Variants in MIB1 observed in about 807,000 individuals in gnomAD.
MIB1 encodes the protein E3 ubiquitin-protein ligase MIB1.
Under a neutral mutation model 124.5 loss-of-function variants are expected in MIB1, and 278 were observed. That is an observed-to-expected ratio of 2.23 (90% CI 2.02 to 2.47). MIB1 has a LOEUF of 2.47. MIB1 is among the 30% of genes most tolerant of loss of function. The pLI is 0.00. For missense variants in MIB1, 957 were observed against 1,254.4 expected, an observed-to-expected ratio of 0.76 and a Z score of 3.58; for synonymous variants, 446 against 429.4, an observed-to-expected ratio of 1.04 and a Z score of -0.48.
chr18:21,790,907 A>G (rs1046360310), intron 6 of MIB1, among the ~76,000 whole-genome samples: 10 of 152,216 alleles, frequency 6.6e-5, no homozygotes, highest in African/African-American at 2.4e-4. Context: ...TGTATATTAA[A>G]ATTATAAAAA....
intron 1 of MIB1, among the ~76,000 whole-genome samples, chr18:21,753,908 C>A (rs1023821478): frequency 2.0e-4 from 30 of 152,170 alleles, no homozygotes; most frequent in African/African-American, 7.0e-4. Context: ...GAACTCCTGA[C>A]CTCAGGTGAT....
rs190460860 is a variant in MIB1, at chr18:21,860,258, C to T, written c.2880+1612C>T. ...TGGGACTACAGGTGCACACCACCAC[C>T]CTCAGCGAATTTTTATATTTTTAGT... On this transcript the variant is annotated intron_variant, in intron 20 of 20. Coordinates refer to ENST00000261537, the MANE Select transcript of MIB1 (RefSeq NM_020774.4). Among the ~76,000 whole-genome samples, 450 of 151,276 alleles carry T rather than the reference C, an allele frequency of 3.0e-3. 2 individuals carry two copies. The highest frequency in any genetic ancestry group is 0.01 in the African/African-American group (426 of 41,168).
At chr18:21,860,996 G>A (rs974337346) in intron 20 of MIB1, among the ~76,000 whole-genome samples, 12 of 152,108 alleles carry the variant, frequency 7.9e-5, no homozygotes, top group Admixed American at 5.9e-4. Context: ...CTATGACAGC[G>A]CCACTACACT....
intron 15 of MIB1, among the ~76,000 whole-genome samples, chr18:21,845,486 A>C (rs1463268028): frequency 6.6e-6 from 1 of 152,062 alleles, no homozygotes; most frequent in Non-Finnish European, 1.5e-5. Flanking sequence ...GAAGTTTATA[A>C]AGTTTTAGCT....
intron 13 of MIB1, among the ~76,000 whole-genome samples, chr18:21,842,204 A>T (rs576456680): frequency 6.6e-6 from 1 of 152,006 alleles, no homozygotes; most frequent in Non-Finnish European, 1.5e-5. Context: ...CATCTTGAAG[A>T]ATATGACATA....
chr18:21,773,652 C>A lies in MIB1; in HGVS notation c.560C>A (p.Ser187Ter). 6.2e-7 allele frequency: 1 copy of A among 1,609,728 alleles called. No individual in the cohort carries two copies. Among genetic ancestry groups the A allele is most frequent in the Non-Finnish European group, 8.5e-7 (1 of 1,178,398 alleles). Residue 187 changes from serine (S) to a stop codon, truncating the protein, a stop_gained, in exon 4 of 21, where the codon TCA (serine) becomes TAA (stop). Transcript: ENST00000261537. LOFTEE classifies it high-confidence loss of function. Reference sequence around the variant, plus strand: ...ACAGAAATCCAGGACTGGAGTGCATCAAGCCCACATAGCGCAGCATATGTC... The same window carrying A: ...ACAGAAATCCAGGACTGGAGTGCATAAAGCCCACATAGCGCAGCATATGTC... ...KVTEIQDWSA[S>*]SPHSAAYVLW...
intron 1 of MIB1, among the ~76,000 whole-genome samples, chr18:21,742,014 C>G (rs946834783): frequency 1.3e-5 from 2 of 152,168 alleles, no homozygotes; most frequent in African/African-American, 4.8e-5. Context: ...CCCTCTACCC[C>G]CAAGGGAAAT....
intron 13 of MIB1, among the ~76,000 whole-genome samples, chr18:21,841,994 G>C (rs1215225156): frequency 6.8e-6 from 1 of 146,868 alleles, no homozygotes; most frequent in Non-Finnish European, 1.5e-5. Flanking sequence ...CACTCGGAAG[G>C]CTAAGGCAGG....
At chr18:21,781,032 C>A (rs1171860390) in intron 6 of MIB1, among the ~76,000 whole-genome samples, 1 of 152,074 alleles carries the variant, frequency 6.6e-6, no homozygotes, top group Non-Finnish European at 1.5e-5. Flanking sequence ...GTGTTCTTGT[C>A]AGCATCCGAA....
intron 13 of MIB1, among the ~76,000 whole-genome samples, chr18:21,842,188 A>G (rs2042097329): frequency 6.6e-6 from 1 of 151,780 alleles, no homozygotes; most frequent in Admixed American, 6.6e-5. Context: ...ACAAATGAGA[A>G]ATTCCCATCT....
At position 21,847,126 on chromosome 18, in the gene MIB1, G is replaced by A. The variant is rs1466584966; in HGVS notation, c.2393+1G>A. 5 of 1,612,822 alleles carry A rather than the reference G, an allele frequency of 3.1e-6. No homozygotes were observed. Among genetic ancestry groups the A allele is most frequent in the Non-Finnish European group, 4.2e-6 (5 of 1,179,038 alleles). ...CAAAGTGTCATAAGGAAAAAGTCAG[G>A]TTTGTATTATTTATTATCATAAAAC... On this transcript the variant is annotated splice_donor_variant, in intron 16 of 20. Coordinates refer to ENST00000261537, the MANE Select transcript of MIB1 (RefSeq NM_020774.4). LOFTEE classifies it high-confidence loss of function.
chr18:21,747,676 CT>C (rs1345524989), intron 1 of MIB1, among the ~76,000 whole-genome samples: 1 of 152,084 alleles, frequency 6.6e-6, no homozygotes, highest in East Asian at 1.9e-4. Flanking sequence ...AATATATGTA[CT>C]TTTTGTAAGT....
intron 6 of MIB1, among the ~76,000 whole-genome samples, chr18:21,783,077 GT>G (rs2041389156): frequency 1.3e-5 from 2 of 152,174 alleles, no homozygotes; most frequent in Admixed American, 1.3e-4. Context: ...TGATATAAAA[GT>G]ATAATTATTC....
At position 21,868,615 on chromosome 18, in the gene MIB1, T is replaced by TG. The variant is rs1442903604; in HGVS notation, c.*3949_*3950insG. The TG allele has an allele frequency of 6.6e-6, 1 of 152,450 alleles. No homozygotes were observed. Among genetic ancestry groups the TG allele is most frequent in the African/African-American group, 2.4e-5 (1 of 41,440 alleles). 9.4% of individuals were successfully genotyped at this position (152,450 alleles called of 1,614,324 possible). A position where few individuals can be genotyped will look rare whatever the true frequency, so the allele number is the denominator to read the frequency against. On this transcript the variant is annotated 3_prime_UTR_variant, in exon 21 of 21. Coordinates refer to ENST00000261537, the MANE Select transcript of MIB1 (RefSeq NM_020774.4). Reference sequence around the variant, plus strand: ...GCCTTGTTGGAAGTGTCAACTGTCTTTATGTCTGCTTGTAAAAGTTTCAAA... The same window carrying TG: ...GCCTTGTTGGAAGTGTCAACTGTCTTGTATGTCTGCTTGTAAAAGTTTCAAA...
intron 10 of MIB1, among the ~76,000 whole-genome samples, chr18:21,807,193 G>A (rs1164939312): frequency 6.6e-6 from 1 of 152,190 alleles, no homozygotes; most frequent in East Asian, 1.9e-4. Context: ...CACTTTGGGA[G>A]GCTGAGGTGG....
Position 21,755,590 on chromosome 18 carries a change from C to T in MIB1, c.230-10182C>T, listed in dbSNP as rs557709091. ...TCAGCCTCCCAAAGTGCTGGGATTA[C>T]GGGCGTGAGCCACCGTGCCCGGCCA... On this transcript the variant is annotated intron_variant, in intron 1 of 20. Coordinates refer to ENST00000261537, the MANE Select transcript of MIB1 (RefSeq NM_020774.4). Among the ~76,000 whole-genome samples, 9 of 152,240 alleles carry T rather than the reference C, an allele frequency of 5.9e-5. No homozygotes were observed. The South Asian group carries it at 1.2e-3, about 21-fold the overall frequency.
At chr18:21,802,495 G>T (rs2041660968) in intron 9 of MIB1, among the ~76,000 whole-genome samples, 1 of 151,278 alleles carries the variant, frequency 6.6e-6, no homozygotes, top group African/African-American at 2.4e-5. Flanking sequence ...TTTCTTGGTT[G>T]CTCTTTTCAC....
At chr18:21,833,140 G>C (rs2146494201) in intron 12 of MIB1, among the ~76,000 whole-genome samples, 1 of 152,252 alleles carries the variant, frequency 6.6e-6, no homozygotes, top group South Asian at 2.1e-4. Flanking sequence ...GTTTCAGACT[G>C]GGAGCTCTTC....
rs1215095754 is a variant in MIB1 at position 21,847,121 on chromosome 18, G to A, written c.2389G>A (p.Val797Ile). 3 of 1,613,544 alleles carry A rather than the reference G, an allele frequency of 1.9e-6. No homozygotes were observed. The highest frequency in any genetic ancestry group is 3.3e-5 in the Admixed American group (2 of 59,972). ...ACTGGCAAAGTGTCATAAGGAAAAA[G>A]TCAGGTTTGTATTATTTATTATCAT... ...KALAKCHKEK[V>I]SGQVGSRSPS... The change falls in exon 16 of 21, where the codon GTC becomes ATC. Residue 797 changes from valine (V) to isoleucine (I), a missense_variant. Coordinates refer to ENST00000261537, the MANE Select transcript of MIB1 (RefSeq NM_020774.4).
Sources: gnomAD v4.1 joint callset for allele counts (sites outside exome capture counted in the v4.1 genomes callset) on GRCh38, gnomAD v4.1.1 for gene constraint, MANE v1.5 for transcripts, NCBI Gene and HGNC (gene_info 2026-07-23, HGNC 2026-07-21) for gene names.